ARRB1: variants seen among roughly 807,000 people sequenced by gnomAD.
The protein encoded by ARRB1 is arrestin beta 1, also known as beta-arrestin-1.
Under a neutral mutation model 56.8 loss-of-function variants are expected in ARRB1, and 21 were observed. That is an observed-to-expected ratio of 0.37 (90% CI 0.26 to 0.53). ARRB1 has a LOEUF of 0.53. ARRB1 is among the 20% of genes least tolerant of loss of function. The pLI, the probability that ARRB1 is intolerant of heterozygous loss-of-function variation, is 0.88. For synonymous variants in ARRB1, 210 were observed against 218.6 expected (o/e 0.96, Z 0.35); for missense variants, 424 against 553.7 (o/e 0.77, Z 2.35).
intron 1 of ARRB1, among the ~76,000 whole-genome samples, chr11:75,349,067 C>A (rs551079362): frequency 1.5e-4 from 23 of 152,320 alleles, no homozygotes; most frequent in African/African-American, 4.6e-4. Flanking sequence ...TCTTCTAAGT[C>A]ATAGGTACTC....
chr11:75,314,246 G>A (rs933857178), intron 1 of ARRB1, among the ~76,000 whole-genome samples: 2 of 152,382 alleles, frequency 1.3e-5, no homozygotes, highest in Admixed American at 1.3e-4. Context: ...AGGGCCAGGG[G>A]TCAGCCCACA....
At chr11:75,332,749 G>A (rs1014068269) in intron 1 of ARRB1, among the ~76,000 whole-genome samples, 3 of 152,130 alleles carry the variant, frequency 2.0e-5, no homozygotes, top group Non-Finnish European at 2.9e-5. Flanking sequence ...ACAAAAATTA[G>A]CCAGGTGTGG....
At chr11:75,273,165 G>C (rs1946109114) in intron 11 of ARRB1, among the ~76,000 whole-genome samples, 187 bp from the exon 12 acceptor site, 2 of 152,204 alleles carry the variant, frequency 1.3e-5, no homozygotes, top group South Asian at 4.1e-4. Context: ...GGGACCCAGA[G>C]CCCCGGTTCC....
intron 10 of ARRB1, chr11:75,274,438 G>A (rs1314130745): frequency 5.5e-6 from 3 of 540,646 alleles, no homozygotes; most frequent in Non-Finnish European, 9.9e-6. Flanking sequence ...ACTGAATCTC[G>A]GATATTCTAA....
chr11:75,283,034 C>T (rs1946384909), intron 5 of ARRB1, among the ~76,000 whole-genome samples: 1 of 152,196 alleles, frequency 6.6e-6, no homozygotes, highest in Non-Finnish European at 1.5e-5. Context: ...TTAGCACCCC[C>T]TTTCTCCCAC....
At chr11:75,272,705 A>G in intron 12 of ARRB1, 190 bp downstream of exon 12, 1 of 589,304 alleles carries the variant, frequency 1.7e-6, no homozygotes, top group Non-Finnish European at 3.0e-6. Flanking sequence ...AGGGCCAAGG[A>G]AGGAAGAGAG....
chr11:75,296,185 C>CA (rs11428462), intron 1 of ARRB1, among the ~76,000 whole-genome samples: 27,682 of 84,850 alleles, frequency 0.33, 4,927 homozygotes, highest in Non-Finnish European at 0.4. Flanking sequence ...GACTTTGTCT[C>CA]AAAAAAAAAA....
chr11:75,267,723 G>GC lies in ARRB1; in HGVS notation c.1094-21dup. ...CTGGAACTAAACACAGGGTGGGTGG[G>GC]CAGGGTGTCCAGGGATTAGTGAGTG... is the stretch of plus-strand genomic sequence containing the variant. On this transcript the variant is annotated intron_variant, in intron 14 of 15. Coordinates refer to ENST00000420843, the MANE Select transcript of ARRB1 (RefSeq NM_004041.5). The GC allele has an allele frequency of 3.0e-6, 3 of 1,006,472 alleles. No homozygotes were observed. Among genetic ancestry groups the GC allele is most frequent in the Non-Finnish European group, 4.7e-6 (3 of 636,038 alleles). 62.3% of individuals were successfully genotyped at this position (1,006,472 alleles called of 1,614,324 possible).
chr11:75,342,922 C>T (rs1474772610), intron 1 of ARRB1, among the ~76,000 whole-genome samples: 2 of 152,152 alleles, frequency 1.3e-5, no homozygotes, highest in Non-Finnish European at 2.9e-5. Flanking sequence ...CCCTTTAGGT[C>T]ACAAAGAATA....
Position 75,262,306 on chromosome 11 carries a change from G to A in ARRB1, c.*3857C>T, listed in dbSNP as rs1351583443. ...GAGATGTGACACCAGGCCTAGGAGG[G>A]TCCAAGATGTCCCCCTCCACCAATC... is the stretch of plus-strand genomic sequence containing the variant. On this transcript the variant is annotated 3_prime_UTR_variant, in exon 16 of 16. Coordinates refer to ENST00000420843, the MANE Select transcript of ARRB1 (RefSeq NM_004041.5). 2.0e-5 allele frequency: 3 copies of A among 152,250 alleles called. No homozygotes were observed. The highest frequency in any genetic ancestry group is 4.4e-5 in the Non-Finnish European group (3 of 68,074). 9.4% of individuals were successfully genotyped at this position (152,250 alleles called of 1,614,324 possible).
intron 1 of ARRB1, among the ~76,000 whole-genome samples, chr11:75,346,069 G>T (rs1189883364): frequency 6.6e-6 from 1 of 152,022 alleles, no homozygotes; most frequent in East Asian, 1.9e-4. Context: ...AGACCTGCTG[G>T]CCAAGGCTGT....
intron 1 of ARRB1, among the ~76,000 whole-genome samples, chr11:75,347,654 A>G (rs1320570017): frequency 6.6e-6 from 1 of 152,162 alleles, no homozygotes; most frequent in Non-Finnish European, 1.5e-5. Flanking sequence ...TTGTGGGTCA[A>G]TAGGCCTGGG....
At chr11:75,334,338 G>A (rs1947569419) in intron 1 of ARRB1, among the ~76,000 whole-genome samples, 1 of 139,750 alleles carries the variant, frequency 7.2e-6, no homozygotes, top group African/African-American at 2.7e-5. Context: ...GCCCCATCCC[G>A]GTTACAACAG....
chr11:75,263,560 CT>C lies in ARRB1; in HGVS notation c.*2602del, dbSNP rs1183612866. Among the ~76,000 whole-genome samples, 1 of 152,224 alleles carries C rather than the reference CT, an allele frequency of 6.6e-6. No individual in the cohort carries two copies. Among genetic ancestry groups the C allele is most frequent in the Non-Finnish European group, 1.5e-5 (1 of 68,038 alleles). ...CAGCCACCAGGAGCCCTGAAGGCAA[CT>C]GCCCTCTATTACTTATCCCTACAAC... On this transcript the variant is annotated 3_prime_UTR_variant, in exon 16 of 16. Transcript: ENST00000420843.
chr11:75,323,926 C>T (rs1164790786), intron 1 of ARRB1, among the ~76,000 whole-genome samples: 2 of 151,868 alleles, frequency 1.3e-5, no homozygotes, highest in Non-Finnish European at 1.5e-5. Flanking sequence ...CAATCATTAA[C>T]GAATCGAGAT....
chr11:75,341,304 AT>A (rs1180182547), intron 1 of ARRB1, among the ~76,000 whole-genome samples: 2 of 151,872 alleles, frequency 1.3e-5, no homozygotes, highest in African/African-American at 4.8e-5. Context: ...CACCTGGCTA[AT>A]TTTTGTATTT....
At chr11:75,302,702 T>C (rs1047189255) in intron 1 of ARRB1, among the ~76,000 whole-genome samples, 3 of 152,110 alleles carry the variant, frequency 2.0e-5, no homozygotes, top group Non-Finnish European at 2.9e-5. Flanking sequence ...ATCCACCCCA[T>C]AGGCTGGGGA....
intron 1 of ARRB1, among the ~76,000 whole-genome samples, chr11:75,315,259 T>C (rs114951214): frequency 0.022 from 3,398 of 152,220 alleles, 129 homozygotes; most frequent in African/African-American, 0.077. Flanking sequence ...ATCTGCCTTA[T>C]GCAACCTCCT....
intron 1 of ARRB1, chr11:75,335,180 AGATGAGGCTCCG>A (rs1026536111): frequency 3.3e-5 from 8 of 243,652 alleles, no homozygotes; most frequent in Admixed American, 3.0e-4. Context: ...CCCAACAGAC[AGATGAGGCTCCG>A]GAAGACATTC....
Sources: allele counts gnomAD v4.1 joint callset (sites outside exome capture counted in the v4.1 genomes callset), GRCh38; gene constraint gnomAD v4.1.1; transcripts MANE v1.5; gene names NCBI Gene and HGNC (gene_info 2026-07-23, HGNC 2026-07-21).